TBCD: variants seen among roughly 807,000 people sequenced by gnomAD.
The protein encoded by TBCD is tubulin folding cofactor D, also known as tubulin-specific chaperone D.
In TBCD, 105 loss-of-function variants were observed where a neutral mutation model predicts 169.3. The observed-to-expected ratio is 0.62, with a 90% CI of 0.53 to 0.73. The LOEUF is 0.73. Among genes scored for constraint, TBCD ranks in the 30% least tolerant of loss-of-function variants. The pLI, the probability that TBCD is intolerant of heterozygous loss-of-function variation, is 0.00. For missense variants in TBCD, 1,444 were observed against 1,600.1 expected, an observed-to-expected ratio of 0.90 and a Z score of 1.66; for synonymous variants, 700 against 643.9, an observed-to-expected ratio of 1.09 and a Z score of -1.32.
At position 82,916,021 on chromosome 17, in the gene TBCD, C is replaced by T. The variant is rs551742411; in HGVS notation, c.2038+4232C>T. ...ATCTTAAATCACACAGGAGTTCATT[C>T]GGATTTACCTGTACAGATACCCTGT... On this transcript the variant is annotated intron_variant, in intron 23 of 38. Coordinates refer to ENST00000355528, the MANE Select transcript of TBCD (RefSeq NM_005993.5). Among the ~76,000 whole-genome samples the T allele has an allele frequency of 1.2e-4, 18 of 152,300 alleles. No individual in the cohort carries two copies. In the East Asian group the frequency reaches 2.3e-3, roughly 20 times the overall value.
intron 13 of TBCD, among the ~76,000 whole-genome samples, chr17:82,854,236 T>C (rs1426203844): frequency 6.6e-6 from 1 of 152,252 alleles, no homozygotes; most frequent in African/African-American, 2.4e-5. Flanking sequence ...GTTGACACTC[T>C]GCAGGTGATG....
chr17:82,870,915 T>A (rs909530061), intron 14 of TBCD, among the ~76,000 whole-genome samples: 2 of 152,238 alleles, frequency 1.3e-5, no homozygotes, highest in Non-Finnish European at 2.9e-5. Context: ...GATTTTGTGT[T>A]TTTGTGGACC....
chr17:82,876,411 G>A (rs894047977), intron 14 of TBCD, among the ~76,000 whole-genome samples: 2 of 152,238 alleles, frequency 1.3e-5, no homozygotes, highest in African/African-American at 4.8e-5. Flanking sequence ...GTAGATGAAC[G>A]TGGTGACTCA....
At chr17:82,804,820 G>A (rs921725760) in intron 9 of TBCD, among the ~76,000 whole-genome samples, 35 of 152,230 alleles carry the variant, frequency 2.3e-4, no homozygotes, top group African/African-American at 7.7e-4. Context: ...GGTGGGGGTC[G>A]TGGGCTGTCT....
Position 82,905,929 on chromosome 17 carries a change from C to T in TBCD, c.1805-7C>T. On this transcript the variant is annotated splice_polypyrimidine_tract_variant and splice_region_variant and intron_variant, in intron 19 of 38. Coordinates refer to ENST00000355528, the MANE Select transcript of TBCD (RefSeq NM_005993.5). ...CTCACCTGCCCTCTCGGCCCTGTCT[C>T]TTGCAGTCTTCCCGAGGCTGCTGTC... The T allele has an allele frequency of 1.2e-6, 2 of 1,606,780 alleles. No individual in the cohort carries two copies. Among genetic ancestry groups the T allele is most frequent in the South Asian group, 2.2e-5 (2 of 89,582 alleles).
In TBCD at chr17:82,922,646, A is replaced by C. The variant is rs892681181; in HGVS notation, c.2179-1006A>C. Among the ~76,000 whole-genome samples, 2 of 152,168 alleles carry C rather than the reference A, an allele frequency of 1.3e-5. No individual in the cohort carries two copies. Among genetic ancestry groups the C allele is most frequent in the South Asian group, 4.1e-4 (2 of 4,826 alleles). On this transcript the variant is annotated intron_variant, in intron 25 of 38. Coordinates refer to ENST00000355528, the MANE Select transcript of TBCD (RefSeq NM_005993.5). The surrounding 1 kb of genome is among the most constrained non-coding windows in gnomAD (Gnocchi z 4.1). ...TTTCAAAAGTCCATGATTAATTCAC[A>C]CTGGCCATGATGCTGGTGCACTTTG... is the stretch of plus-strand genomic sequence containing the variant.
chr17:82,804,698 G>A (rs1479648432), intron 9 of TBCD, among the ~76,000 whole-genome samples: 2 of 152,222 alleles, frequency 1.3e-5, no homozygotes, highest in Non-Finnish European at 2.9e-5. Flanking sequence ...AGAGGCGGGT[G>A]GAAACCACGG....
intron 24 of TBCD, chr17:82,921,068 C>T: frequency 3.9e-6 from 1 of 254,464 alleles, no homozygotes; most frequent in Non-Finnish European, 7.5e-6. Flanking sequence ...CTGTGGTGTC[C>T]CGGGGCTGTC....
intron 22 of TBCD, among the ~76,000 whole-genome samples, chr17:82,910,760 T>G (rs2060581553): frequency 6.6e-6 from 1 of 152,122 alleles, no homozygotes; most frequent in African/African-American, 2.4e-5. Flanking sequence ...GAGACGGGGT[T>G]TCACCATGTT....
intron 15 of TBCD, among the ~76,000 whole-genome samples, chr17:82,885,376 T>C (rs2058649362): frequency 6.6e-6 from 1 of 152,204 alleles, no homozygotes; most frequent in South Asian, 2.1e-4. Flanking sequence ...TGTCATCTTC[T>C]ATAGCTTCTG....
Position 82,932,071 on chromosome 17 carries a change from G to T in TBCD, c.3114-587G>T, listed in dbSNP as rs141441042. ...CTCCCTGCCTGTCCTTTCACGCACC[G>T]AGCGGGGGCCTCACACTTTCCTCAC... On this transcript the variant is annotated intron_variant, in intron 33 of 38. Coordinates refer to ENST00000355528, the MANE Select transcript of TBCD (RefSeq NM_005993.5). The T allele has an allele frequency of 6.7e-3, 1,085 of 161,570 alleles. 8 individuals carry two copies. The highest frequency in any genetic ancestry group is 0.025 in the African/African-American group (1,031 of 41,578). 10.0% of individuals were successfully genotyped at this position (161,570 alleles called of 1,614,324 possible).
rs2058607953 is a variant in TBCD, at chr17:82,884,714, C to T, written c.1533+512C>T. On this transcript the variant is annotated intron_variant, in intron 15 of 38. Transcript: ENST00000355528. The surrounding 1 kb of genome is among the most constrained non-coding windows in gnomAD (Gnocchi z 4.2). ...GTCTTGAACACAGATGGCTGGTTTC[C>T]TCTAGAGAGAGCCCTGTGACGTTTG... 1 of 189,556 alleles carries T rather than the reference C, an allele frequency of 5.3e-6. No homozygotes were observed. Among genetic ancestry groups the T allele is most frequent in the Non-Finnish European group, 1.1e-5 (1 of 88,492 alleles). 11.7% of individuals were successfully genotyped at this position (189,556 alleles called of 1,614,324 possible). A position where few individuals can be genotyped will look rare whatever the true frequency, so the allele number is the denominator to read the frequency against.
chr17:82,785,693 G>A (rs2049261223), intron 7 of TBCD, among the ~76,000 whole-genome samples: 1 of 135,458 alleles, frequency 7.4e-6, no homozygotes, highest in Non-Finnish European at 1.6e-5. Context: ...GCAGCGGGAG[G>A]GGGGTCCATG....
At chr17:82,804,445 A>C (rs1043428425) in intron 9 of TBCD, among the ~76,000 whole-genome samples, 11 of 151,394 alleles carry the variant, frequency 7.3e-5, no homozygotes, top group African/African-American at 2.7e-4. Flanking sequence ...TGGGTCTGGA[A>C]TCTTGACGTG....
At chr17:82,812,969 G>A (rs2051564780) in intron 12 of TBCD, among the ~76,000 whole-genome samples, 1 of 152,138 alleles carries the variant, frequency 6.6e-6, no homozygotes, top group Non-Finnish European at 1.5e-5. Context: ...TAGGTGTGCA[G>A]CACCACACCT....
rs56051009 is a variant in TBCD at position 82,836,000 on chromosome 17, C to T, written c.1318+21066C>T. On this transcript the variant is annotated intron_variant, in intron 13 of 38. Coordinates refer to ENST00000355528, the MANE Select transcript of TBCD (RefSeq NM_005993.5). This position sits in a 1 kb window ranked among gnomAD's most constrained non-coding sequence, Gnocchi z 4.5. ...CCCCGCGCTCAGCACCCGTCTCCCA[C>T]CGTGGGCTGCCACAGAAGCTACAAG... is the stretch of plus-strand genomic sequence containing the variant. Among the ~76,000 whole-genome samples the T allele has an allele frequency of 0.01, 1,556 of 152,336 alleles. 21 individuals are homozygous for T. Among genetic ancestry groups the T allele is most frequent in the African/African-American group, 0.035 (1,449 of 41,568 alleles).
rs943627683 is a variant in TBCD at position 82,806,320 on chromosome 17, T to C, written c.1087+309T>C. On this transcript the variant is annotated intron_variant, in intron 10 of 38. Transcript: ENST00000355528. The surrounding 1 kb of genome is among the most constrained non-coding windows in gnomAD (Gnocchi z 5.1). ...GAAACAGTTCTCCCAGGAAATTGAGTTGGGGTCCCTGGGGCTCAGGTCTCT... is the reference window on the plus strand; with the variant it reads ...GAAACAGTTCTCCCAGGAAATTGAGCTGGGGTCCCTGGGGCTCAGGTCTCT... Among the ~76,000 whole-genome samples the C allele has an allele frequency of 1.3e-5, 2 of 152,096 alleles. No homozygotes were observed. The highest frequency in any genetic ancestry group is 2.9e-5 in the Non-Finnish European group (2 of 67,992).
chr17:82,845,881 T>C (rs1156396241), intron 13 of TBCD, among the ~76,000 whole-genome samples: 1 of 152,250 alleles, frequency 6.6e-6, no homozygotes, highest in African/African-American at 2.4e-5. Context: ...GTTTCTGTTT[T>C]AATCCTTTGT....
chr17:82,825,792 A>G (rs2052790525), intron 13 of TBCD, among the ~76,000 whole-genome samples: 1 of 152,194 alleles, frequency 6.6e-6, no homozygotes, highest in Admixed American at 6.5e-5. Flanking sequence ...AGAATAATCT[A>G]CCATTCTTCG....
Sources: allele counts gnomAD v4.1 joint callset (sites outside exome capture counted in the v4.1 genomes callset), GRCh38; gene constraint gnomAD v4.1.1; non-coding constraint Gnocchi (gnomAD v3.1); transcripts MANE v1.5; gene names NCBI Gene and HGNC (gene_info 2026-07-23, HGNC 2026-07-21).